GNB1: variants seen among roughly 807,000 people sequenced by gnomAD.
GNB1 encodes G protein subunit beta 1, also known as guanine nucleotide-binding protein G(I)/G(S)/G(T) subunit beta-1.
GNB1 carries 2 observed loss-of-function variants against 42.9 expected under a neutral mutation model. The observed-to-expected ratio is 0.05, with a 90% CI of 0.02 to 0.15. GNB1 has a LOEUF of 0.15. Among genes scored for constraint, GNB1 ranks in the 10% least tolerant of loss-of-function variants. The probability of loss-of-function intolerance (pLI) is 1.00; values close to 1 mark genes in which losing one functional copy is unlikely to be tolerated. For missense variants in GNB1, 193 were observed against 462.2 expected (o/e 0.42, Z 5.34); for synonymous variants, 183 against 174.7 (o/e 1.05, Z -0.38).
chr1:1,890,132 A>G (rs913762412), intron 1 of GNB1, among the ~76,000 whole-genome samples: 14 of 152,056 alleles, frequency 9.2e-5, no homozygotes, highest in Admixed American at 8.5e-4. Context: ...GCGGGGCGCC[A>G]GCGCCGGACA....
At chr1:1,857,369 A>G (rs1390698681) in intron 1 of GNB1, among the ~76,000 whole-genome samples, 1 of 152,098 alleles carries the variant, frequency 6.6e-6, no homozygotes, top group Non-Finnish European at 1.5e-5. Flanking sequence ...GAATCTCTCT[A>G]TTAACCAATC....
chr1:1,883,958 G>C (rs1326600313), intron 1 of GNB1, among the ~76,000 whole-genome samples: 1 of 150,122 alleles, frequency 6.7e-6, no homozygotes, highest in East Asian at 1.9e-4. Context: ...TAATTATAAA[G>C]TGTCCGGACT....
chr1:1,819,945 G>A (rs1196658507), intron 3 of GNB1, among the ~76,000 whole-genome samples: 1 of 152,236 alleles, frequency 6.6e-6, no homozygotes, highest in African/African-American at 2.4e-5. Flanking sequence ...GCGTCCAAGT[G>A]CCCCACATGG....
At position 1,854,951 on chromosome 1, in the gene GNB1, G is replaced by A. The variant is rs565293456; in HGVS notation, c.-95-15713C>T. 3.9e-5 allele frequency among the ~76,000 whole-genome samples: 6 copies of A among 152,138 alleles called. No individual in the cohort carries two copies. The South Asian group carries it at 1.0e-3, about 26-fold the overall frequency. ...CAAGGCAGGTGGATCACGAGGTCAG[G>A]AGTTCAAGACCAGCCTGGCCAAGAT... On this transcript the variant is annotated intron_variant, in intron 1 of 11. Coordinates refer to ENST00000378609, the MANE Select transcript of GNB1 (RefSeq NM_002074.5).
intron 7 of GNB1, among the ~76,000 whole-genome samples, chr1:1,800,489 A>C (rs1646608802): frequency 6.6e-6 from 1 of 152,226 alleles, no homozygotes; most frequent in African/African-American, 2.4e-5. Context: ...AACAACAACA[A>C]AAAGGAACAA....
In GNB1 at chr1:1,848,090, A is replaced by T. The variant is rs183576122; in HGVS notation, c.-95-8852T>A. Among the ~76,000 whole-genome samples, 17 of 152,272 alleles carry T rather than the reference A, an allele frequency of 1.1e-4. No individual in the cohort carries two copies. The East Asian group carries it at 3.1e-3, about 28-fold the overall frequency. On this transcript the variant is annotated intron_variant, in intron 1 of 11. Coordinates refer to ENST00000378609, the MANE Select transcript of GNB1 (RefSeq NM_002074.5). ...ATACAGAAACTTTTTTAGAGAAATGAAAAAGCAGGCCGGGTGCGGTGGCTC... is the reference window on the plus strand; with the variant it reads ...ATACAGAAACTTTTTTAGAGAAATGTAAAAGCAGGCCGGGTGCGGTGGCTC...
At chr1:1,869,306 T>C (rs942075585) in intron 1 of GNB1, among the ~76,000 whole-genome samples, 1 of 151,740 alleles carries the variant, frequency 6.6e-6, no homozygotes, top group Non-Finnish European at 1.5e-5. Flanking sequence ...CCATTCATTA[T>C]CTCAGACACT....
intron 1 of GNB1, among the ~76,000 whole-genome samples, chr1:1,874,605 T>TAAAAAAAAAAAAAA (rs34864042): frequency 2.1e-5 from 1 of 47,024 alleles, no homozygotes; most frequent in Non-Finnish European, 3.6e-5. Context: ...AGACTCCATC[T>TAAAAAAAAAAAAAA]AAAAAAAAAA....
At chr1:1,812,917 C>A (rs1646802523) in intron 5 of GNB1, among the ~76,000 whole-genome samples, 1 of 150,318 alleles carries the variant, frequency 6.7e-6, no homozygotes, top group Admixed American at 6.6e-5. Flanking sequence ...ACTCTCATCC[C>A]TTCCAGACTA....
intron 10 of GNB1, chr1:1,788,848 T>C (rs572858733): frequency 9.4e-6 from 5 of 533,268 alleles, no homozygotes; most frequent in Admixed American, 3.1e-5. Flanking sequence ...CCCCGACGCA[T>C]GTGGGAAGAT....
chr1:1,890,081 G>A (rs1031883298), intron 1 of GNB1, among the ~76,000 whole-genome samples: 3 of 152,174 alleles, frequency 2.0e-5, no homozygotes, highest in African/African-American at 7.2e-5. Context: ...ATTCATTCGC[G>A]GGGCCGGGCC....
chr1:1,803,375 C>A (rs1646651695), intron 7 of GNB1, among the ~76,000 whole-genome samples: 1 of 152,206 alleles, frequency 6.6e-6, no homozygotes, highest in Non-Finnish European at 1.5e-5. Context: ...TAGCTCCCTG[C>A]AGCCTCAACC....
chr1:1,790,356 C>T lies in GNB1; in HGVS notation c.699+39G>A, dbSNP rs749789231. ...TAGCAATCTGAACGGCTAGCAGAGA[C>T]GGCAGAGGACCCGACCCCACACCTC... On this transcript the variant is annotated intron_variant, in intron 9 of 11. Coordinates refer to ENST00000378609, the MANE Select transcript of GNB1 (RefSeq NM_002074.5). This position sits in a 1 kb window ranked among gnomAD's most constrained non-coding sequence, Gnocchi z 5.4. 16 of 1,396,458 alleles carry T rather than the reference C, an allele frequency of 1.1e-5. No homozygotes were observed. Among genetic ancestry groups the T allele is most frequent in the South Asian group, 6.9e-5 (6 of 86,818 alleles). The allele number at this position is 1,396,458 out of a possible 1,614,324, so 86.5% of individuals were successfully genotyped here.
intron 5 of GNB1, among the ~76,000 whole-genome samples, chr1:1,812,399 C>CACAT (rs1361982623): frequency 4.4e-5 from 3 of 68,402 alleles, no homozygotes; most frequent in African/African-American, 1.1e-4. Flanking sequence ...TATATACACA[C>CACAT]ACATACATAC....
At chr1:1,884,141 T>C (rs1650016819) in intron 1 of GNB1, among the ~76,000 whole-genome samples, 1 of 151,776 alleles carries the variant, frequency 6.6e-6, no homozygotes, top group East Asian at 1.9e-4. Context: ...AATTTTTTTT[T>C]TTTTTTTGAG....
chr1:1,841,637 T>C lies in GNB1; in HGVS notation c.-95-2399A>G, dbSNP rs140638169. On this transcript the variant is annotated intron_variant, in intron 1 of 11. Transcript: ENST00000378609. Reference sequence around the variant, plus strand: ...ATGCACACATCTAGTCTGGAGTCAGTAGATGAATCAACAAACTGAAATATC... The same window carrying C: ...ATGCACACATCTAGTCTGGAGTCAGCAGATGAATCAACAAACTGAAATATC... 4.3e-4 allele frequency among the ~76,000 whole-genome samples: 65 copies of C among 152,362 alleles called. No individual in the cohort carries two copies. The East Asian group carries it at 0.011, about 26-fold the overall frequency.
intron 2 of GNB1, among the ~76,000 whole-genome samples, chr1:1,829,214 G>A (rs962940937): frequency 1.3e-5 from 2 of 151,876 alleles, no homozygotes; most frequent in Non-Finnish European, 2.9e-5. Context: ...ATGCTACCAC[G>A]CTTGGCTAGT....
At position 1,787,003 on chromosome 1, in the gene GNB1, G is replaced by T; in HGVS notation, c.*60C>A. ...ACGGTTGGATAGGATATGCTCTCAT[G>T]GTAACGCGTCCAAGTTGGAATGGTC... On this transcript the variant is annotated 3_prime_UTR_variant, in exon 12 of 12. Coordinates refer to ENST00000378609, the MANE Select transcript of GNB1 (RefSeq NM_002074.5). This position sits in a 1 kb window ranked among gnomAD's most constrained non-coding sequence, Gnocchi z 4.4. 4.7e-6 allele frequency: 1 copy of T among 214,844 alleles called. No individual in the cohort carries two copies. Among genetic ancestry groups the T allele is most frequent in the South Asian group, 6.8e-5 (1 of 14,732 alleles). The allele number at this position is 214,844 out of a possible 1,614,324, so 13.3% of individuals were successfully genotyped here. A position where few individuals can be genotyped will look rare whatever the true frequency, so the allele number is the denominator to read the frequency against.
At chr1:1,796,296 G>A (rs1375993654) in intron 7 of GNB1, among the ~76,000 whole-genome samples, 1 of 152,194 alleles carries the variant, frequency 6.6e-6, no homozygotes, top group East Asian at 1.9e-4. Flanking sequence ...TCTGTGAACA[G>A]AGACCAGGTC....
Sources: gnomAD v4.1 joint callset for allele counts (sites outside exome capture counted in the v4.1 genomes callset) on GRCh38, gnomAD v4.1.1 for gene constraint, Gnocchi (gnomAD v3.1) non-coding constraint, MANE v1.5 for transcripts, NCBI Gene and HGNC (gene_info 2026-07-23, HGNC 2026-07-21) for gene names.